The following ATP2B4 variants were observed in gnomAD, a reference collection of about 807,000 sequenced individuals.
ATP2B4 encodes plasma membrane calcium-transporting ATPase 4.
ATP2B4 carries 39 observed loss-of-function variants against 110.3 expected under a neutral mutation model. That is an observed-to-expected ratio of 0.35 (90% CI 0.27 to 0.46). The LOEUF (loss-of-function observed/expected upper bound fraction) is 0.46, where lower values mean the gene tolerates loss of function less well. ATP2B4 is among the 20% of genes least tolerant of loss of function. The probability of loss-of-function intolerance (pLI) is 1.00; values close to 1 mark genes in which losing one functional copy is unlikely to be tolerated. For synonymous variants in ATP2B4, 538 were observed against 571.7 expected, an observed-to-expected ratio of 0.94 and a Z score of 0.84; for missense variants, 1,135 against 1,530.9, an observed-to-expected ratio of 0.74 and a Z score of 4.32.
At chr1:203,727,837 G>A in intron 20 of ATP2B4, 1 of 444,318 alleles carries the variant, frequency 2.3e-6, no homozygotes, top group Non-Finnish European at 4.1e-6. Context: ...AGCCCAGCCT[G>A]CCACCCTCTA....
At chr1:203,657,746 T>C (rs1209769177) in intron 1 of ATP2B4, 2 of 702,798 alleles carry the variant, frequency 2.8e-6, no homozygotes, top group Non-Finnish European at 5.2e-6. Flanking sequence ...ATTCAATATA[T>C]TCGTTCTGTG....
At chr1:203,709,232 T>C in intron 10 of ATP2B4, 69 bp from the exon 11 acceptor site, 1 of 1,587,244 alleles carries the variant, frequency 6.3e-7, no homozygotes, top group Non-Finnish European at 8.6e-7. Flanking sequence ...AAATGAGTTC[T>C]TTCTCCCTAA....
intron 19 of ATP2B4, among the ~76,000 whole-genome samples, chr1:203,726,479 G>T (rs2102224569): frequency 2.0e-5 from 3 of 151,286 alleles, no homozygotes; most frequent in Admixed American, 2.0e-4. Context: ...CTTTGGTAAA[G>T]CTTGGTTGTT....
chr1:203,639,642 C>A (rs1445257015), intron 1 of ATP2B4, among the ~76,000 whole-genome samples: 1 of 152,168 alleles, frequency 6.6e-6, no homozygotes, highest in Non-Finnish European at 1.5e-5. Context: ...AAAGGGCTTG[C>A]GCTTGTCCTT....
chr1:203,668,917 A>G (rs1265999943), intron 1 of ATP2B4, among the ~76,000 whole-genome samples: 3 of 152,218 alleles, frequency 2.0e-5, no homozygotes, highest in Non-Finnish European at 4.4e-5. Flanking sequence ...AGGGATACAC[A>G]TAAGTATGGG....
chr1:203,641,535 G>T (rs75449619), intron 1 of ATP2B4, among the ~76,000 whole-genome samples: 4 of 152,160 alleles, frequency 2.6e-5, no homozygotes, highest in Non-Finnish European at 5.9e-5. Context: ...GAGGGCATGC[G>T]AGTTGTCCCA....
chr1:203,724,865 C>CTCTTTTTTTTTTTTTTTTTTTTTT lies in ATP2B4; in HGVS notation c.3132+878_3132+879insCTTTTTTTTTTTTTTTTTTTTTTT, dbSNP rs1214526316. On this transcript the variant is annotated intron_variant, in intron 19 of 20. Coordinates refer to ENST00000357681, the MANE Select transcript of ATP2B4 (RefSeq NM_001684.5). ...ACTGCCTGGGTTTGAATCCAGCTCTCTGTTTTTTTTTTTTTTTTTTTTTTT... is the reference window on the plus strand; with the variant it reads ...ACTGCCTGGGTTTGAATCCAGCTCTCTCTTTTTTTTTTTTTTTTTTTTTTTGTTTTTTTTTTTTTTTTTTTTTTT... Among the ~76,000 whole-genome samples, 5 of 101,454 alleles carry CTCTTTTTTTTTTTTTTTTTTTTTT rather than the reference C, an allele frequency of 4.9e-5. 1 individual carries two copies. Among genetic ancestry groups the CTCTTTTTTTTTTTTTTTTTTTTTT allele is most frequent in the African/African-American group, 8.2e-5 (2 of 24,266 alleles). 66.6% of individuals were successfully genotyped at this position (101,454 alleles called of 152,430 possible). A position where few individuals can be genotyped will look rare whatever the true frequency, so the allele number is the denominator to read the frequency against.
intron 20 of ATP2B4, among the ~76,000 whole-genome samples, chr1:203,738,609 C>G (rs1375799422): frequency 6.6e-6 from 1 of 152,224 alleles, no homozygotes; most frequent in Non-Finnish European, 1.5e-5. Context: ...TTAGGTTTCT[C>G]TCCCTGGTCC....
chr1:203,733,952 T>C (rs1666807602), intron 20 of ATP2B4, among the ~76,000 whole-genome samples: 1 of 152,232 alleles, frequency 6.6e-6, no homozygotes, highest in Non-Finnish European at 1.5e-5. Context: ...GTATTAAACT[T>C]GGTCAATAAT....
rs114634916 is a variant in ATP2B4 at position 203,641,958 on chromosome 1, T to C, written c.-465+14739T>C. ...GGATTTTGCTTTGGTAACTTTTGTA[T>C]TCCTAGGCTTCCCAATGTCAGAGGG... is the stretch of plus-strand genomic sequence containing the variant. On this transcript the variant is annotated intron_variant, in intron 1 of 20. Coordinates refer to ENST00000357681, the MANE Select transcript of ATP2B4 (RefSeq NM_001684.5). Among the ~76,000 whole-genome samples, 846 of 152,330 alleles carry C rather than the reference T, an allele frequency of 5.6e-3. 4 individuals carry two copies. Among genetic ancestry groups the C allele is most frequent in the African/African-American group, 0.017 (713 of 41,572 alleles).
intron 15 of ATP2B4, among the ~76,000 whole-genome samples, chr1:203,718,607 G>C (rs970136113): frequency 6.6e-6 from 1 of 152,010 alleles, no homozygotes; most frequent in African/African-American, 2.4e-5. Flanking sequence ...GCTTCTAATT[G>C]TATTTAACTT....
At chr1:203,695,437 G>A (rs531365008) in intron 2 of ATP2B4, among the ~76,000 whole-genome samples, 39 of 152,316 alleles carry the variant, frequency 2.6e-4, no homozygotes, top group Non-Finnish European at 5.0e-4. Context: ...GGTGGGGCAG[G>A]GAGTCTCTGG....
chr1:203,729,937 C>T (rs887281080), intron 20 of ATP2B4, among the ~76,000 whole-genome samples: 32 of 152,144 alleles, frequency 2.1e-4, no homozygotes, highest in Non-Finnish European at 7.4e-5. Flanking sequence ...TGCTTGGATG[C>T]ATCCACTTGG....
intron 1 of ATP2B4, among the ~76,000 whole-genome samples, chr1:203,675,089 A>G (rs755023498): frequency 7.2e-5 from 11 of 152,152 alleles, no homozygotes; most frequent in Non-Finnish European, 1.6e-4. Context: ...TCCCAGGCAC[A>G]TTCCTGCTTC....
At chr1:203,714,306 G>T in intron 15 of ATP2B4, 29 bp downstream of exon 15, 1 of 1,611,718 alleles carries the variant, frequency 6.2e-7, no homozygotes, top group Middle Eastern at 1.7e-4. Flanking sequence ...CTCTCTGATT[G>T]CAAGCTGCCT....
intron 20 of ATP2B4, among the ~76,000 whole-genome samples, chr1:203,731,576 G>A (rs923166899): frequency 6.6e-6 from 1 of 152,146 alleles, no homozygotes; most frequent in Non-Finnish European, 1.5e-5. Context: ...GGCATGGCCG[G>A]GCGCGGTGGC....
chr1:203,641,787 C>T (rs1663638006), intron 1 of ATP2B4, among the ~76,000 whole-genome samples: 4 of 152,080 alleles, frequency 2.6e-5, no homozygotes. Flanking sequence ...AGCTCACGGC[C>T]CTTCTAATAC....
intron 6 of ATP2B4, 129 bp from the exon 7 acceptor site, chr1:203,701,915 T>G: frequency 1.2e-6 from 1 of 863,486 alleles, no homozygotes; most frequent in Non-Finnish European, 1.8e-6. Context: ...TCCTTTACAT[T>G]TATGTCCCTT....
At chr1:203,670,393 G>A (rs1024543025) in intron 1 of ATP2B4, among the ~76,000 whole-genome samples, 3 of 152,142 alleles carry the variant, frequency 2.0e-5, no homozygotes, top group African/African-American at 7.2e-5. Context: ...TGGCCAGACT[G>A]GTCTCTAACT....
Sources: allele counts gnomAD v4.1 joint callset (sites outside exome capture counted in the v4.1 genomes callset), GRCh38; gene constraint gnomAD v4.1.1; transcripts MANE v1.5; gene names NCBI Gene and HGNC (gene_info 2026-07-23, HGNC 2026-07-21).